The following HEMK2 variants were observed in gnomAD, a reference collection of about 807,000 sequenced individuals.
HEMK2 encodes the protein methyltransferase HEMK2.
chr21:28,743,054 T>A, the HEMK2 span, among the ~76,000 whole-genome samples: 2 of 152,204 alleles, frequency 1.3e-5, no homozygotes, highest in Non-Finnish European at 2.9e-5. Flanking sequence ...TGGGATTTAG[T>A]ATCTGCTCAC....
the HEMK2 span, among the ~76,000 whole-genome samples, chr21:28,595,789 A>G: frequency 1.1e-4 from 16 of 151,548 alleles, no homozygotes; most frequent in East Asian, 2.7e-3. Context: ...TTATTTATTT[A>G]TTTATTTATT....
At chr21:28,603,924 G>A in the HEMK2 span, among the ~76,000 whole-genome samples, 1 of 152,150 alleles carries the variant, frequency 6.6e-6, no homozygotes, top group Non-Finnish European at 1.5e-5. Flanking sequence ...AGTTGGTGGC[G>A]AGCCATGCAG....
At chr21:28,806,429 G>GCT in the HEMK2 span, among the ~76,000 whole-genome samples, 4 of 152,096 alleles carry the variant, frequency 2.6e-5, no homozygotes, top group African/African-American at 4.8e-5. Context: ...ATTAAACTGT[G>GCT]CTCTCTCAAA....
the HEMK2 span, among the ~76,000 whole-genome samples, chr21:28,877,633 G>C: frequency 6.6e-6 from 1 of 151,114 alleles, no homozygotes; most frequent in East Asian, 1.9e-4. Context: ...GAGAGAAATA[G>C]GAAGGAAGGA....
chr21:28,673,032 G>T, the HEMK2 span, among the ~76,000 whole-genome samples: 1 of 150,274 alleles, frequency 6.7e-6, no homozygotes, highest in Non-Finnish European at 1.5e-5. Context: ...GAAAGAGAAA[G>T]GAGAGAGGGA....
the HEMK2 span, among the ~76,000 whole-genome samples, chr21:28,782,818 T>C: frequency 1.3e-5 from 2 of 152,336 alleles, no homozygotes; most frequent in East Asian, 3.9e-4. Flanking sequence ...ACACTTTAAA[T>C]TAGTGATTTG....
At chr21:28,858,864 A>G in the HEMK2 span, among the ~76,000 whole-genome samples, 1 of 152,148 alleles carries the variant, frequency 6.6e-6, no homozygotes, top group Non-Finnish European at 1.5e-5. Context: ...TAACAACAAA[A>G]CAAAATAAAA....
the HEMK2 span, among the ~76,000 whole-genome samples, chr21:28,747,778 C>A: frequency 6.6e-6 from 1 of 152,198 alleles, no homozygotes; most frequent in South Asian, 2.1e-4. Flanking sequence ...ACATCTTATC[C>A]TTTGCAACAA....
At chr21:28,681,567 G>A in the HEMK2 span, among the ~76,000 whole-genome samples, 1 of 151,874 alleles carries the variant, frequency 6.6e-6, no homozygotes, top group Non-Finnish European at 1.5e-5. Flanking sequence ...AGTTCATATG[G>A]ACCAAAAAAA....
the HEMK2 span, among the ~76,000 whole-genome samples, chr21:28,756,904 A>T: frequency 6.6e-6 from 1 of 152,090 alleles, no homozygotes. Flanking sequence ...AGATTGATGT[A>T]ATCAATGCTA....
the HEMK2 span, among the ~76,000 whole-genome samples, chr21:28,796,185 A>C: frequency 2.6e-5 from 4 of 152,182 alleles, no homozygotes; most frequent in Middle Eastern, 3.2e-3. Flanking sequence ...CCCAGGATGG[A>C]GTGCAGTGGC....
the HEMK2 span, among the ~76,000 whole-genome samples, chr21:28,772,720 C>A: frequency 1.3e-5 from 2 of 152,102 alleles, no homozygotes; most frequent in African/African-American, 4.8e-5. Flanking sequence ...ATACCAATTC[C>A]TCCATTAATC....
chr21:28,818,228 C>T, the HEMK2 span, among the ~76,000 whole-genome samples: 1 of 152,246 alleles, frequency 6.6e-6, no homozygotes, highest in African/African-American at 2.4e-5. Context: ...ATCTTTCTCC[C>T]GTGCTGGATG....
At chr21:28,637,503 G>A in the HEMK2 span, among the ~76,000 whole-genome samples, 1 of 151,852 alleles carries the variant, frequency 6.6e-6, no homozygotes, top group Admixed American at 6.6e-5. Flanking sequence ...CAACAGAGCT[G>A]AGAATCGCAT....
chr21:28,822,999 T>C, the HEMK2 span, among the ~76,000 whole-genome samples: 12 of 152,280 alleles, frequency 7.9e-5, no homozygotes, highest in African/African-American at 2.6e-4. Flanking sequence ...GGCTCTCTCA[T>C]GTGGCTGGAA....
the HEMK2 span, among the ~76,000 whole-genome samples, chr21:28,607,328 G>A: frequency 5.9e-5 from 9 of 152,148 alleles, no homozygotes; most frequent in Middle Eastern, 3.4e-3. Flanking sequence ...AGAGACTTGC[G>A]TGAACCTGAG....
At chr21:28,758,893 G>A in the HEMK2 span, among the ~76,000 whole-genome samples, 2 of 152,170 alleles carry the variant, frequency 1.3e-5, no homozygotes, top group Admixed American at 6.5e-5. Flanking sequence ...AGTTAGAGAA[G>A]TATGTATGCC....
chr21:28,643,883 G>C, the HEMK2 span, among the ~76,000 whole-genome samples: 1 of 152,350 alleles, frequency 6.6e-6, no homozygotes, highest in African/African-American at 2.4e-5. Context: ...GGGATGCAGT[G>C]TCCTGCCATC....
At chr21:28,877,280 GGA>G in the HEMK2 span, among the ~76,000 whole-genome samples, 10 of 109,080 alleles carry the variant, frequency 9.2e-5, no homozygotes, top group South Asian at 3.6e-4. Context: ...AAGGAAGGAA[GGA>G]AGGAAGGAAG....
Sources: gnomAD v4.1 joint callset for allele counts (sites outside exome capture counted in the v4.1 genomes callset) on GRCh38, gnomAD v4.1.1 for gene constraint, MANE v1.5 for transcripts, NCBI Gene and HGNC (gene_info 2026-07-23, HGNC 2026-07-21) for gene names.